Variants in MUC17 observed in about 807,000 individuals in gnomAD.
The protein encoded by MUC17 is mucin-17.
MUC17 carries 190 observed loss-of-function variants against 170.3 expected under a neutral mutation model. The observed-to-expected ratio is 1.12, with a 90% confidence interval of 0.99 to 1.26. MUC17 has a LOEUF of 1.26. Among genes scored for constraint, MUC17 ranks in the 50% most tolerant of loss-of-function variants. The pLI, the probability that MUC17 is intolerant of heterozygous loss-of-function variation, is 0.00. For missense variants in MUC17, 6,415 were observed against 5,530.0 expected (o/e 1.16, Z -5.08); for synonymous variants, 2,325 against 2,002.5 (o/e 1.16, Z -4.30).
At chr7:101,026,322 C>A (rs1448490965) in intron 1 of MUC17, among the ~76,000 whole-genome samples, 1 of 152,210 alleles carries the variant, frequency 6.6e-6, no homozygotes, top group African/African-American at 2.4e-5. Flanking sequence ...GGGCCTATGG[C>A]CTGGCTTTGC....
In MUC17 at chr7:101,039,592, T is replaced by G. The variant is rs570005917; in HGVS notation, c.8176T>G (p.Ser2726Ala). 2 of 1,612,624 alleles carry G rather than the reference T, an allele frequency of 1.2e-6. No homozygotes were observed. Among genetic ancestry groups the G allele is most frequent in the Non-Finnish European group, 1.7e-6 (2 of 1,179,246 alleles). Residue 2726 changes from serine (S) to alanine (A), a missense_variant, in exon 3 of 13, where the codon TCT becomes GCT. Ser to Ala is a moderately conservative substitution (Grantham distance 99, BLOSUM62 1). Coordinates refer to ENST00000306151, the MANE Select transcript of MUC17 (RefSeq NM_001040105.2). ...PVDTSTPVTT[S>A]AEASSSPTTA... is the part of the protein sequence containing the mutation. The stretch of plus-strand genomic sequence containing the variant: ...TGACACCAGCACACCTGTCACCACT[T>G]CTGCTGAAGCCAGTTCTTCTCCTAC...
chr7:101,038,390 G>A lies in MUC17; in HGVS notation c.6974G>A (p.Gly2325Asp), dbSNP rs776078538. ...EASSPPPTAE[G>D]TSMPTSTSSE... ...AGTTCACCTCCTCCCACTGCTGAAG[G>A]TACCAGCATGCCAACCTCAACTTCT... The change falls in exon 3 of 13, where the codon GGT becomes GAT. Residue 2325 changes from glycine (G) to aspartate (D), a missense_variant. By Grantham distance (94) the Gly-to-Asp change is moderately conservative. Coordinates refer to ENST00000306151, the MANE Select transcript of MUC17 (RefSeq NM_001040105.2). 1.7e-5 allele frequency: 27 copies of A among 1,613,550 alleles called. No homozygotes were observed. The highest frequency in any genetic ancestry group is 2.0e-5 in the Non-Finnish European group (24 of 1,179,928).
In MUC17 at chr7:101,037,831, G is replaced by A; in HGVS notation, c.6415G>A (p.Val2139Ile). 1 of 1,613,782 alleles carries A rather than the reference G, an allele frequency of 6.2e-7. No individual in the cohort carries two copies. Among genetic ancestry groups the A allele is most frequent in the South Asian group, 1.1e-5 (1 of 91,052 alleles). The change falls in exon 3 of 13, where the codon GTC becomes ATC. Residue 2139 changes from valine (V) to isoleucine (I), a missense_variant. By Grantham distance (29) the Val-to-Ile change is conservative (BLOSUM62 3). Coordinates refer to ENST00000306151, the MANE Select transcript of MUC17 (RefSeq NM_001040105.2). ...SNSPVITSTE[V>I]SSSPIPTEGT... The stretch of plus-strand genomic sequence containing the variant: ...CAGTCCTGTGATCACTTCTACTGAA[G>A]TCAGTTCATCTCCTATACCTACTGA...
intron 11 of MUC17, 26 bp downstream of exon 11, chr7:101,053,462 G>C (rs1402442991): frequency 1.3e-6 from 2 of 1,587,464 alleles, no homozygotes; most frequent in Non-Finnish European, 1.7e-6. Context: ...TCTGAACTCA[G>C]AATGGCTCAA....
intron 1 of MUC17, among the ~76,000 whole-genome samples, chr7:101,024,900 T>C (rs924556493): frequency 6.6e-6 from 1 of 152,028 alleles, no homozygotes; most frequent in Non-Finnish European, 1.5e-5. Context: ...CAGTGGTTTA[T>C]GTCTGTAATC....
At position 101,042,051 on chromosome 7, in the gene MUC17, C is replaced by G. The variant is rs1794727929; in HGVS notation, c.10635C>G (p.Asn3545Lys). Residue 3545 changes from asparagine (N) to lysine (K), a missense_variant, in exon 3 of 13, where the codon AAC becomes AAG. Coordinates refer to ENST00000306151, the MANE Select transcript of MUC17 (RefSeq NM_001040105.2). ...STLSTTPVDS[N>K]TFVTSSSQAS... ...TTTCAACAACTCCTGTTGACTCCAACACTTTTGTTACCAGTTCTAGTCAAG... is the reference window on the plus strand; with the variant it reads ...TTTCAACAACTCCTGTTGACTCCAAGACTTTTGTTACCAGTTCTAGTCAAG... 6.2e-7 allele frequency: 1 copy of G among 1,613,956 alleles called. No homozygotes were observed. The highest frequency in any genetic ancestry group is 8.5e-7 in the Non-Finnish European group (1 of 1,179,966).
chr7:101,037,225 A>G lies in MUC17; in HGVS notation c.5809A>G (p.Thr1937Ala). Residue 1937 changes from threonine (T) to alanine (A), a missense_variant, in exon 3 of 13, where the codon ACA becomes GCA. Transcript: ENST00000306151. The stretch of plus-strand genomic sequence containing the variant: ...AACAAGTATACCTGTCAGCACCACA[A>G]CAGTGGCCAGTTCTGAAATCAACAC... ...PLTSIPVSTT[T>A]VASSEINTLS... The G allele has an allele frequency of 1.2e-6, 2 of 1,611,090 alleles. No homozygotes were observed. The highest frequency in any genetic ancestry group is 8.5e-7 in the Non-Finnish European group (1 of 1,178,388).
chr7:101,050,713 G>T, intron 7 of MUC17, 78 bp downstream of exon 7: 1 of 1,530,684 alleles, frequency 6.5e-7, no homozygotes, highest in East Asian at 2.3e-5. Flanking sequence ...ACAGGAGGGC[G>T]GGAGTGAGGA....
chr7:101,036,584 C>T lies in MUC17; in HGVS notation c.5168C>T (p.Thr1723Ile), dbSNP rs71557228. 1 of 1,612,276 alleles carries T rather than the reference C, an allele frequency of 6.2e-7. No individual in the cohort carries two copies. ...GTTGACAACAGCACACCTGTGACCACTTCTACTGAAGCCCGTTCATCTCCT... is the reference window on the plus strand; with the variant it reads ...GTTGACAACAGCACACCTGTGACCATTTCTACTGAAGCCCGTTCATCTCCT... ...TPVDNSTPVT[T>I]STEARSSPTT... The change falls in exon 3 of 13, where the codon ACT becomes ATT. Residue 1723 changes from threonine to isoleucine, a missense_variant. Transcript: ENST00000306151.
At chr7:101,052,569 A>G (rs961565365) in intron 9 of MUC17, among the ~76,000 whole-genome samples, 3 of 152,098 alleles carry the variant, frequency 2.0e-5, no homozygotes, top group Non-Finnish European at 2.9e-5. Flanking sequence ...AGCAGGGAAG[A>G]AGAGCTTCAG....
chr7:101,054,447 T>C (rs1795013335), intron 11 of MUC17, among the ~76,000 whole-genome samples: 1 of 152,070 alleles, frequency 6.6e-6, no homozygotes, highest in Non-Finnish European at 1.5e-5. Context: ...AATGAGAAAT[T>C]TCTCAAAATA....
At position 101,042,565 on chromosome 7, in the gene MUC17, C is replaced by T. The variant is rs376881918; in HGVS notation, c.11149C>T (p.Pro3717Ser). 13 of 1,613,970 alleles carry T rather than the reference C, an allele frequency of 8.1e-6. No homozygotes were observed. In the South Asian group the frequency reaches 1.1e-4, roughly 14 times the overall value. Reference protein sequence around the residue: ...TSSEGSTLSTPSVVTSTPVTT... With the variant: ...TSSEGSTLSTSSVVTSTPVTT... Reference sequence around the variant, plus strand: ...CTCTGAGGGTAGCACCCTTTCAACACCTTCTGTTGTCACCAGCACACCTGT... The same window carrying T: ...CTCTGAGGGTAGCACCCTTTCAACATCTTCTGTTGTCACCAGCACACCTGT... Residue 3717 changes from proline to serine, a missense_variant, in exon 3 of 13, where the codon CCT becomes TCT. Physicochemically the swap from Pro to Ser is moderately conservative, Grantham distance 74. Transcript: ENST00000306151.
In MUC17 at chr7:101,033,726, T is replaced by A. The variant is rs747455039; in HGVS notation, c.2310T>A (p.Thr770=). The A allele has an allele frequency of 1.2e-6, 2 of 1,613,476 alleles. No homozygotes were observed. Among genetic ancestry groups the A allele is most frequent in the African/African-American group, 1.3e-5 (1 of 74,778 alleles). The change falls in exon 3 of 13, where the codon ACT becomes ACA. Residue 770 remains threonine (T), a synonymous_variant. Coordinates refer to ENST00000306151, the MANE Select transcript of MUC17 (RefSeq NM_001040105.2). ...CTGAGGCTAGCACCCTTTCAACAAC[T>A]CCTCTTGACACAAGCACACATATCA... ...TSSEASTLST[T]PLDTSTHITT... is the part of the protein sequence containing the mutation.
chr7:101,051,494 C>T, intron 7 of MUC17, 119 bp from the exon 8 acceptor site: 1 of 903,722 alleles, frequency 1.1e-6, no homozygotes, highest in Non-Finnish European at 1.7e-6. Flanking sequence ...TCTGCCGGGG[C>T]CGGATTCCCA....
rs1794494587 is a variant in MUC17, at chr7:101,036,728, C to A, written c.5312C>A (p.Ala1771Glu). 8 of 1,612,716 alleles carry A rather than the reference C, an allele frequency of 5.0e-6. No individual in the cohort carries two copies. The highest frequency in any genetic ancestry group is 6.8e-6 in the Non-Finnish European group (8 of 1,179,392). The change falls in exon 3 of 13, where the codon GCA becomes GAA. Residue 1771 changes from alanine to glutamate, a missense_variant. Physicochemically the swap from Ala to Glu is moderately radical, Grantham distance 107. Coordinates refer to ENST00000306151, the MANE Select transcript of MUC17 (RefSeq NM_001040105.2). Reference sequence around the variant, plus strand: ...AGTTCTGAGGCTAGCACCCTTTCAGCAACTCCTATTGACACCAGCACCCCT... The same window carrying A: ...AGTTCTGAGGCTAGCACCCTTTCAGAAACTCCTATTGACACCAGCACCCCT... Reference protein sequence around the residue: ...VLSSEASTLSATPIDTSTPVT... With the variant: ...VLSSEASTLSETPIDTSTPVT...
Position 101,039,822 on chromosome 7 carries a change from C to T in MUC17, c.8406C>T (p.Thr2802=). The T allele has an allele frequency of 1.2e-6, 2 of 1,609,762 alleles. No homozygotes were observed. The highest frequency in any genetic ancestry group is 2.2e-5 in the South Asian group (2 of 90,944). ...PTTAEVTSMP[T]STPSETSTPL... ...CTGCTGAAGTTACCAGCATGCCAAC[C>T]TCAACTCCTAGTGAAACAAGTACTC... The change falls in exon 3 of 13, where the codon ACC becomes ACT. Residue 2802 remains threonine, a synonymous_variant. Transcript: ENST00000306151.
rs761646677 is a variant in MUC17 at position 101,036,003 on chromosome 7, T to C, written c.4587T>C (p.Ser1529=). ...TCAGCACCACAACAGTGGCCAGTTC[T>C]GAAATCAACAGCCTTTCAACAACTC... is the stretch of plus-strand genomic sequence containing the variant. ...IPVSTTTVAS[S]EINSLSTTPA... The change falls in exon 3 of 13, where the codon TCT becomes TCC. Residue 1529 remains serine (S), a synonymous_variant. Coordinates refer to ENST00000306151, the MANE Select transcript of MUC17 (RefSeq NM_001040105.2). 3 of 1,611,918 alleles carry C rather than the reference T, an allele frequency of 1.9e-6. No homozygotes were observed. Among genetic ancestry groups the C allele is most frequent in the Admixed American group, 3.3e-5 (2 of 59,914 alleles).
At chr7:101,044,895 C>A (rs1031008444) in intron 3 of MUC17, among the ~76,000 whole-genome samples, 7 of 152,114 alleles carry the variant, frequency 4.6e-5, no homozygotes, top group Admixed American at 1.3e-4. Context: ...ATCCTCTGAG[C>A]ACCCACTATA....
In MUC17 at chr7:101,039,590, C is replaced by G; in HGVS notation, c.8174C>G (p.Thr2725Ser). ...GTTGACACCAGCACACCTGTCACCA[C>G]TTCTGCTGAAGCCAGTTCTTCTCCT... ...TPVDTSTPVT[T>S]SAEASSSPTT... Residue 2725 changes from threonine (T) to serine (S), a missense_variant, in exon 3 of 13, where the codon ACT becomes AGT. By Grantham distance (58) the Thr-to-Ser change is moderately conservative. Coordinates refer to ENST00000306151, the MANE Select transcript of MUC17 (RefSeq NM_001040105.2). 6.2e-7 allele frequency: 1 copy of G among 1,612,728 alleles called. No homozygotes were observed.
Sources: gnomAD v4.1 joint callset for allele counts (sites outside exome capture counted in the v4.1 genomes callset) on GRCh38, gnomAD v4.1.1 for gene constraint, MANE v1.5 for transcripts, NCBI Gene and HGNC (gene_info 2026-07-23, HGNC 2026-07-21) for gene names.